ZNF429: variants seen among roughly 807,000 people sequenced by gnomAD.
The protein encoded by ZNF429 is zinc finger protein 429.
In ZNF429, 53 loss-of-function variants were observed where a neutral mutation model predicts 56.8. The observed-to-expected ratio is 0.93, with a 90% confidence interval of 0.75 to 1.17. The LOEUF is 1.17. ZNF429 is among the 50% of genes most tolerant of loss of function. The pLI, the probability that ZNF429 is intolerant of heterozygous loss-of-function variation, is 0.00. For synonymous variants in ZNF429, 278 were observed against 264.7 expected (o/e 1.05, Z -0.49); for missense variants, 849 against 788.4 (o/e 1.08, Z -0.92).
intron 1 of ZNF429, chr19:21,507,578 G>T (rs2032240169): frequency 6.6e-6 from 1 of 152,148 alleles, no homozygotes; most frequent in Non-Finnish European, 1.5e-5. Context: ...TTTTTGTGGG[G>T]TGATGTGTCC....
intron 1 of ZNF429, among the ~76,000 whole-genome samples, chr19:21,523,550 TC>T (rs2033058457): frequency 6.6e-6 from 1 of 152,208 alleles, no homozygotes; most frequent in African/African-American, 2.4e-5. Context: ...TAGCCCATAC[TC>T]TAAACCCTAA....
rs560468652 is a variant in ZNF429, at chr19:21,519,683, C to A, written c.4-9975C>A. On this transcript the variant is annotated intron_variant, in intron 1 of 3. Transcript: ENST00000358491. ...TTGGCCCAGTCTCTGGATGTTAATC[C>A]ACTGGGTCTGAGTGCACTCAATAAA... Among the ~76,000 whole-genome samples the A allele has an allele frequency of 2.6e-5, 4 of 152,190 alleles. No homozygotes were observed. The Middle Eastern group carries it at 0.014, about 518-fold the overall frequency.
At chr19:21,509,393 T>G (rs186011382) in intron 1 of ZNF429, among the ~76,000 whole-genome samples, 48 of 152,340 alleles carry the variant, frequency 3.2e-4, no homozygotes, top group Admixed American at 2.7e-3. Context: ...ATGTAAGCAT[T>G]GTAAAATTGC....
intron 1 of ZNF429, among the ~76,000 whole-genome samples, chr19:21,526,141 C>T (rs1303123483): frequency 1.3e-5 from 2 of 151,976 alleles, no homozygotes; most frequent in African/African-American, 4.8e-5. Flanking sequence ...TTTTGAGAAG[C>T]TACTTTAATC....
At chr19:21,534,885 C>T in intron 3 of ZNF429, among the ~76,000 whole-genome samples, 2 of 151,228 alleles carry the variant, frequency 1.3e-5, no homozygotes, top group Non-Finnish European at 2.9e-5. Flanking sequence ...TCTCGGCTCA[C>T]TGCAGGCTCC....
rs770182809 is a variant in ZNF429 at position 21,536,854 on chromosome 19, C to G, written c.801C>G (p.Ser267Arg). ...YKCKECGKAF[S>R]RYSTLTTHKR... The stretch of plus-strand genomic sequence containing the variant: ...GTAAAGAATGTGGCAAAGCCTTTAG[C>G]AGGTACTCAACCCTTACTACCCATA... The change falls in exon 4 of 4, where the codon AGC becomes AGG. Residue 267 changes from serine (S) to arginine (R), a missense_variant. Coordinates refer to ENST00000358491, the MANE Select transcript of ZNF429 (RefSeq NM_001001415.4). The G allele has an allele frequency of 1.7e-5, 27 of 1,613,272 alleles. No homozygotes were observed. Among genetic ancestry groups the G allele is most frequent in the South Asian group, 5.5e-5 (5 of 91,020 alleles).
rs1369765370 is a variant in ZNF429 at position 21,537,640 on chromosome 19, A to G, written c.1587A>G (p.Lys529=). The change falls in exon 4 of 4, where the codon AAA becomes AAG. Residue 529 remains lysine, a synonymous_variant. Coordinates refer to ENST00000358491, the MANE Select transcript of ZNF429 (RefSeq NM_001001415.4). ...CCTCAAGACTTACTCAACATAAGAA[A>G]ATTCATACTGGAGAGAAACCTTACA... The part of the protein sequence containing the change: ...ILSSRLTQHK[K]IHTGEKPYKC... 6.2e-7 allele frequency: 1 copy of G among 1,613,556 alleles called. No homozygotes were observed. The highest frequency in any genetic ancestry group is 1.1e-5 in the South Asian group (1 of 91,046).
intron 1 of ZNF429, among the ~76,000 whole-genome samples, chr19:21,511,569 C>T (rs1385505926): frequency 6.6e-6 from 1 of 151,564 alleles, no homozygotes; most frequent in Non-Finnish European, 1.5e-5. Flanking sequence ...GGCGGCTGGA[C>T]AGAGACGCTC....
chr19:21,519,923 A>G (rs1568418750), intron 1 of ZNF429, among the ~76,000 whole-genome samples: 1 of 149,386 alleles, frequency 6.7e-6, no homozygotes, highest in East Asian at 2.0e-4. Flanking sequence ...GTGCAGTGGC[A>G]TGAACTCAGC....
intron 2 of ZNF429, among the ~76,000 whole-genome samples, chr19:21,530,173 A>G: frequency 6.6e-6 from 1 of 151,042 alleles, no homozygotes; most frequent in Admixed American, 6.6e-5. Context: ...CCTGGGCAAA[A>G]GAGCGAGACT....
intron 1 of ZNF429, among the ~76,000 whole-genome samples, chr19:21,522,062 C>A (rs1040702989): frequency 6.6e-6 from 1 of 152,144 alleles, no homozygotes; most frequent in African/African-American, 2.4e-5. Context: ...AGCAGGAGTG[C>A]TCTAGCCCAG....
At position 21,537,409 on chromosome 19, in the gene ZNF429, C is replaced by G. The variant is rs2033741071; in HGVS notation, c.1356C>G (p.Pro452=). ...RHKRIHTEEK[P]YKCNECGKAF... The stretch of plus-strand genomic sequence containing the variant: ...AGAGAATTCATACTGAAGAGAAACC[C>G]TATAAATGTAACGAATGTGGCAAAG... The change falls in exon 4 of 4, where the codon CCC becomes CCG. Residue 452 remains proline, a synonymous_variant. Coordinates refer to ENST00000358491, the MANE Select transcript of ZNF429 (RefSeq NM_001001415.4). The G allele has an allele frequency of 6.2e-7, 1 of 1,613,242 alleles. No individual in the cohort carries two copies. The highest frequency in any genetic ancestry group is 1.1e-5 in the South Asian group (1 of 91,056).
chr19:21,533,116 G>C, intron 3 of ZNF429, among the ~76,000 whole-genome samples: 1 of 152,000 alleles, frequency 6.6e-6, no homozygotes, highest in East Asian at 1.9e-4. Flanking sequence ...AACAGCTTTG[G>C]TGTTTTTAAA....
At chr19:21,516,866 T>C (rs2032766500) in intron 1 of ZNF429, among the ~76,000 whole-genome samples, 1 of 152,228 alleles carries the variant, frequency 6.6e-6, no homozygotes, top group African/African-American at 2.4e-5. Flanking sequence ...GTTTTCTAGA[T>C]ATAGAATCAT....
intron 1 of ZNF429, among the ~76,000 whole-genome samples, chr19:21,506,443 CA>C (rs1229591215): frequency 0.019 from 1,876 of 99,196 alleles, 21 homozygotes; most frequent in African/African-American, 0.042. Context: ...CTATCTCAAA[CA>C]AAAAAAAAAA....
rs561869307 is a variant in ZNF429, at chr19:21,539,311, G to C, written c.*1233G>C. ...AAACAACTAAGACACAAACACTTGAGACATTACACTAAAGTGCTGAGTATA... is the reference window on the plus strand; with the variant it reads ...AAACAACTAAGACACAAACACTTGACACATTACACTAAAGTGCTGAGTATA... On this transcript the variant is annotated 3_prime_UTR_variant, in exon 4 of 4. Transcript: ENST00000358491. Among the ~76,000 whole-genome samples, 2 of 151,994 alleles carry C rather than the reference G, an allele frequency of 1.3e-5. No homozygotes were observed. Among genetic ancestry groups the C allele is most frequent in the East Asian group, 3.9e-4 (2 of 5,174 alleles).
At chr19:21,511,981 G>A (rs1370459127) in intron 1 of ZNF429, among the ~76,000 whole-genome samples, 3 of 152,166 alleles carry the variant, frequency 2.0e-5, no homozygotes. Flanking sequence ...GCAGGCTGAG[G>A]CAGGAGAATC....
chr19:21,537,301 GAAAATTCATAC>G lies in ZNF429; in HGVS notation c.1249_1259del (p.Lys417TrpfsTer8), dbSNP rs2033733789. 6.2e-7 allele frequency: 1 copy of G among 1,613,976 alleles called. No individual in the cohort carries two copies. Among genetic ancestry groups the G allele is most frequent in the Non-Finnish European group, 8.5e-7 (1 of 1,179,972 alleles). On this transcript the variant is annotated frameshift_variant, in exon 4 of 4. Coordinates refer to ENST00000358491, the MANE Select transcript of ZNF429 (RefSeq NM_001001415.4). LOFTEE classifies it high-confidence loss of function. ...GTTCCTCAACACTTACTCAAGACAAGAAAATTCATACTGGAGAGAAACCCTACAATTGTGAA... is the reference window on the plus strand; with the variant it reads ...GTTCCTCAACACTTACTCAAGACAAGTGGAGAGAAACCCTACAATTGTGAA...
At chr19:21,535,761 G>A in intron 3 of ZNF429, among the ~76,000 whole-genome samples, 7 of 151,898 alleles carry the variant, frequency 4.6e-5, no homozygotes, top group Admixed American at 1.3e-4. Context: ...TGATCTGCCC[G>A]CCTTGGCCTC....
Sources: allele counts gnomAD v4.1 joint callset (sites outside exome capture counted in the v4.1 genomes callset), GRCh38; gene constraint gnomAD v4.1.1; transcripts MANE v1.5; gene names NCBI Gene and HGNC (gene_info 2026-07-23, HGNC 2026-07-21).